Variants in SLC35F1 observed in about 807,000 individuals in gnomAD.
SLC35F1 encodes solute carrier family 35 member F1, also known as chromosome 6 open reading frame 169.
SLC35F1 carries 14 observed loss-of-function variants against 48.7 expected under a neutral mutation model. The observed-to-expected ratio is 0.29, with a 90% CI of 0.19 to 0.45. The LOEUF (loss-of-function observed/expected upper bound fraction) is 0.45, where lower values mean the gene tolerates loss of function less well. SLC35F1 is among the 20% of genes least tolerant of loss of function. The probability of loss-of-function intolerance (pLI) is 1.00; values close to 1 mark genes in which losing one functional copy is unlikely to be tolerated. For synonymous variants in SLC35F1, 190 were observed against 202.2 expected (o/e 0.94, Z 0.51); for missense variants, 404 against 500.0 (o/e 0.81, Z 1.83).
intron 1 of SLC35F1, among the ~76,000 whole-genome samples, chr6:117,978,983 C>G (rs1389616696): frequency 6.6e-6 from 1 of 152,190 alleles, no homozygotes; most frequent in Non-Finnish European, 1.5e-5. Context: ...GTAGCCACAA[C>G]TCTTGCCTGA....
chr6:117,952,471 G>A (rs1055559946), intron 1 of SLC35F1, among the ~76,000 whole-genome samples: 4 of 152,096 alleles, frequency 2.6e-5, no homozygotes, highest in African/African-American at 9.7e-5. Flanking sequence ...ATATTTAAGA[G>A]GATTTTTCTT....
intron 7 of SLC35F1, among the ~76,000 whole-genome samples, chr6:118,294,825 A>T (rs907921253): frequency 1.3e-5 from 2 of 152,172 alleles, no homozygotes; most frequent in African/African-American, 4.8e-5. Context: ...ATTACTAAAA[A>T]AAAAAAGAGA....
At chr6:118,305,805 T>C (rs966006641) in intron 7 of SLC35F1, among the ~76,000 whole-genome samples, 1 of 152,210 alleles carries the variant, frequency 6.6e-6, no homozygotes, top group African/African-American at 2.4e-5. Context: ...TTATGACAAT[T>C]ACGGTCCTCG....
At chr6:118,178,047 C>A (rs568459687) in intron 2 of SLC35F1, among the ~76,000 whole-genome samples, 1 of 152,204 alleles carries the variant, frequency 6.6e-6, no homozygotes, top group Non-Finnish European at 1.5e-5. Context: ...CCTACAATAG[C>A]AGCTTTCCCA....
At chr6:117,995,941 T>C (rs1776982091) in intron 1 of SLC35F1, among the ~76,000 whole-genome samples, 1 of 152,198 alleles carries the variant, frequency 6.6e-6, no homozygotes, top group Admixed American at 6.5e-5. Flanking sequence ...AAGAGCAAAT[T>C]ACTATTGAAT....
chr6:118,226,330 A>G (rs544992076), intron 2 of SLC35F1, among the ~76,000 whole-genome samples: 4 of 152,358 alleles, frequency 2.6e-5, no homozygotes, highest in African/African-American at 9.6e-5. Flanking sequence ...AAATAGAACT[A>G]ACCATATGAT....
intron 2 of SLC35F1, among the ~76,000 whole-genome samples, chr6:118,173,190 C>G (rs1396086990): frequency 6.6e-6 from 1 of 151,946 alleles, no homozygotes; most frequent in African/African-American, 2.4e-5. Context: ...AAGATCAACT[C>G]TCATTCTATC....
At chr6:118,303,639 T>G (rs937984523) in intron 7 of SLC35F1, among the ~76,000 whole-genome samples, 10 of 152,210 alleles carry the variant, frequency 6.6e-5, no homozygotes, top group Non-Finnish European at 1.2e-4. Flanking sequence ...AAAAATGAAA[T>G]GATATATACA....
intron 3 of SLC35F1, among the ~76,000 whole-genome samples, chr6:118,253,192 A>G (rs1365623272): frequency 6.6e-6 from 1 of 152,096 alleles, no homozygotes; most frequent in Non-Finnish European, 1.5e-5. Context: ...AGAACACAAT[A>G]TTTGAGAGAT....
intron 1 of SLC35F1, among the ~76,000 whole-genome samples, chr6:118,078,888 T>G (rs528161004): frequency 2.6e-5 from 4 of 152,338 alleles, no homozygotes; most frequent in Admixed American, 2.6e-4. Context: ...CAGGGCATCC[T>G]GAGTCATGGC....
chr6:117,996,343 AACAGCTCCGGTCT>A (rs1776989501), intron 1 of SLC35F1, among the ~76,000 whole-genome samples: 2 of 152,202 alleles, frequency 1.3e-5, no homozygotes, highest in South Asian at 4.1e-4. Context: ...GCCGAATAGG[AACAGCTCCGGTCT>A]ACAGCTCCCA....
intron 2 of SLC35F1, among the ~76,000 whole-genome samples, chr6:118,165,022 G>A (rs1429645782): frequency 1.3e-5 from 2 of 152,100 alleles, no homozygotes; most frequent in Non-Finnish European, 2.9e-5. Flanking sequence ...TAAGCCAAGA[G>A]GAACAATAGG....
At chr6:118,297,443 C>T (rs1049731788) in intron 7 of SLC35F1, among the ~76,000 whole-genome samples, 20 of 151,958 alleles carry the variant, frequency 1.3e-4, no homozygotes, top group Middle Eastern at 3.4e-3. Flanking sequence ...CCCTATAATG[C>T]GAAAGCAGAT....
chr6:118,009,257 G>C (rs895392274), intron 1 of SLC35F1, among the ~76,000 whole-genome samples: 1 of 152,168 alleles, frequency 6.6e-6, no homozygotes, highest in African/African-American at 2.4e-5. Flanking sequence ...GGATTAGGCA[G>C]ATTAAGGAGA....
At chr6:118,284,157 G>A (rs994238991) in intron 6 of SLC35F1, among the ~76,000 whole-genome samples, 1 of 152,072 alleles carries the variant, frequency 6.6e-6, no homozygotes, top group African/African-American at 2.4e-5. Context: ...CCAGATATTC[G>A]GTACCTACCA....
intron 7 of SLC35F1, among the ~76,000 whole-genome samples, chr6:118,309,418 G>GA (rs1454742831): frequency 1.3e-5 from 2 of 152,010 alleles, no homozygotes; most frequent in Non-Finnish European, 2.9e-5. Context: ...AGGGAAAAAG[G>GA]AAAAAACCAG....
At chr6:118,273,947 A>T (rs750868362) in intron 4 of SLC35F1, among the ~76,000 whole-genome samples, 3 of 152,212 alleles carry the variant, frequency 2.0e-5, no homozygotes, top group Non-Finnish European at 4.4e-5. Context: ...CACCATTTAG[A>T]GATAGAATCT....
chr6:118,284,304 A>G (rs1310004310), intron 6 of SLC35F1, among the ~76,000 whole-genome samples: 1 of 152,130 alleles, frequency 6.6e-6, no homozygotes, highest in South Asian at 2.1e-4. Flanking sequence ...TTTAGCACTT[A>G]TGCTTATCCT....
chr6:118,107,364 T>C (rs1346789123), intron 1 of SLC35F1, among the ~76,000 whole-genome samples: 2 of 152,216 alleles, frequency 1.3e-5, no homozygotes, highest in Non-Finnish European at 2.9e-5. Context: ...CCAAACTCTT[T>C]TCTCCCATTG....
Sources: gnomAD v4.1 joint callset for allele counts (sites outside exome capture counted in the v4.1 genomes callset) on GRCh38, gnomAD v4.1.1 for gene constraint, MANE v1.5 for transcripts, NCBI Gene and HGNC (gene_info 2026-07-23, HGNC 2026-07-21) for gene names.